Variants in WWOX observed in about 807,000 individuals in gnomAD.
The protein encoded by WWOX is WW domain-containing oxidoreductase.
Under a neutral mutation model 46.2 loss-of-function variants are expected in WWOX, and 69 were observed. The ratio of observed to expected loss-of-function variants is 1.49; its 90% confidence interval spans 1.23 to 1.82. The LOEUF (loss-of-function observed/expected upper bound fraction) is 1.82. Among genes scored for constraint, WWOX ranks in the 40% most tolerant of loss-of-function variants. The probability of loss-of-function intolerance (pLI) is 0.00; values close to 1 mark genes in which losing one functional copy is unlikely to be tolerated. For missense variants in WWOX, 919 were observed against 542.6 expected, an observed-to-expected ratio of 1.69 and a Z score of -6.89; for synonymous variants, 359 against 202.6, an observed-to-expected ratio of 1.77 and a Z score of -6.56.
chr16:78,984,669 C>G (rs2046749778), intron 8 of WWOX, among the ~76,000 whole-genome samples: 1 of 152,126 alleles, frequency 6.6e-6, no homozygotes, highest in African/African-American at 2.4e-5. Context: ...ACAAACTGAC[C>G]CTTAGGAACC....
chr16:78,884,359 C>G (rs76162991), intron 8 of WWOX, among the ~76,000 whole-genome samples: 2,469 of 146,590 alleles, frequency 0.017, 67 homozygotes, highest in African/African-American at 0.058. Context: ...AAGACAAGTA[C>G]AAGAGTGTGT....
At chr16:78,486,035 T>C (rs912238862) in intron 8 of WWOX, among the ~76,000 whole-genome samples, 1 of 152,248 alleles carries the variant, frequency 6.6e-6, no homozygotes, top group Non-Finnish European at 1.5e-5. Context: ...GTAGATGTTT[T>C]ATCTGAAAAC....
intron 8 of WWOX, among the ~76,000 whole-genome samples, chr16:78,731,421 C>T (rs2048966211): frequency 6.6e-6 from 1 of 152,130 alleles, no homozygotes; most frequent in African/African-American, 2.4e-5. Flanking sequence ...AATCTTTCTG[C>T]ACTGATCCCT....
chr16:78,147,696 T>TA (rs754297519), intron 4 of WWOX, among the ~76,000 whole-genome samples: 16 of 104,890 alleles, frequency 1.5e-4, no homozygotes, highest in South Asian at 4.0e-4. Context: ...TTTTTTTTTT[T>TA]AAAAAAAAAA....
chr16:78,935,926 T>C (rs547666719), intron 8 of WWOX, among the ~76,000 whole-genome samples: 10 of 151,142 alleles, frequency 6.6e-5, no homozygotes, highest in Admixed American at 5.9e-4. Flanking sequence ...TAAAATAAAA[T>C]AAAATAAGCA....
chr16:79,036,531 C>T (rs1472537359), intron 8 of WWOX, among the ~76,000 whole-genome samples: 1 of 152,174 alleles, frequency 6.6e-6, no homozygotes, highest in Non-Finnish European at 1.5e-5. Context: ...GTGCCAGAGT[C>T]AGGGCTTTCC....
intron 8 of WWOX, among the ~76,000 whole-genome samples, chr16:78,644,364 C>G (rs144939643): frequency 1.1e-3 from 172 of 152,198 alleles, no homozygotes; most frequent in African/African-American, 3.9e-3. Flanking sequence ...TCTATGCAAA[C>G]AAAAATTTTA....
chr16:78,544,523 A>G (rs1327736731), intron 8 of WWOX, among the ~76,000 whole-genome samples: 1 of 152,200 alleles, frequency 6.6e-6, no homozygotes, highest in Non-Finnish European at 1.5e-5. Flanking sequence ...ATTCCCATGC[A>G]GAACTGTGTG....
At chr16:78,682,135 G>A (rs2142236420) in intron 8 of WWOX, among the ~76,000 whole-genome samples, 1 of 152,290 alleles carries the variant, frequency 6.6e-6, no homozygotes, top group East Asian at 1.9e-4. Flanking sequence ...GGCCTTTGGT[G>A]TTACTGTTAT....
intron 8 of WWOX, among the ~76,000 whole-genome samples, chr16:79,143,531 G>A (rs2050129540): frequency 6.6e-6 from 1 of 152,106 alleles, no homozygotes; most frequent in African/African-American, 2.4e-5. Context: ...TTCTGTTGGA[G>A]TTTTATTCTT....
intron 8 of WWOX, among the ~76,000 whole-genome samples, chr16:79,135,751 C>G (rs1194089027): frequency 6.6e-6 from 1 of 152,108 alleles, no homozygotes; most frequent in African/African-American, 2.4e-5. Flanking sequence ...AATAATATAG[C>G]TATCAGTCGT....
At chr16:78,400,160 C>G (rs571473747) in intron 6 of WWOX, among the ~76,000 whole-genome samples, 1 of 152,108 alleles carries the variant, frequency 6.6e-6, no homozygotes, top group African/African-American at 2.4e-5. Flanking sequence ...TGTTATAGTT[C>G]GGTCACTTAC....
intron 8 of WWOX, among the ~76,000 whole-genome samples, chr16:78,638,514 C>T (rs764660042): frequency 2.6e-5 from 4 of 152,152 alleles, no homozygotes; most frequent in African/African-American, 4.8e-5. Context: ...TGTCTGCACT[C>T]CTTTTGTCTG....
At chr16:78,787,481 T>C (rs920160748) in intron 8 of WWOX, among the ~76,000 whole-genome samples, 14 of 152,244 alleles carry the variant, frequency 9.2e-5, no homozygotes, top group African/African-American at 3.1e-4. Flanking sequence ...ATCCATGTTG[T>C]AGAATGTATC....
At chr16:78,406,516 C>G (rs1465638683) in intron 6 of WWOX, among the ~76,000 whole-genome samples, 1 of 149,278 alleles carries the variant, frequency 6.7e-6, no homozygotes, top group East Asian at 2.0e-4. Context: ...CCACACCCAG[C>G]TAATTTTTTG....
intron 8 of WWOX, among the ~76,000 whole-genome samples, chr16:79,176,194 G>A (rs572011932): frequency 2.0e-5 from 3 of 152,286 alleles, no homozygotes; most frequent in East Asian, 3.9e-4. Flanking sequence ...ACCCCCAAAG[G>A]GGGATTTCTA....
At chr16:78,670,313 C>T (rs775593846) in intron 8 of WWOX, among the ~76,000 whole-genome samples, 2 of 152,166 alleles carry the variant, frequency 1.3e-5, no homozygotes, top group African/African-American at 2.4e-5. Context: ...CCGACCCTCC[C>T]GTGATTCTGG....
intron 8 of WWOX, among the ~76,000 whole-genome samples, chr16:78,952,971 A>C (rs1053211453): frequency 6.6e-6 from 1 of 152,150 alleles, no homozygotes; most frequent in Non-Finnish European, 1.5e-5. Context: ...GCAAAACCAC[A>C]CAATGCTCAT....
chr16:78,692,725 T>C (rs1382628553), intron 8 of WWOX, among the ~76,000 whole-genome samples: 3 of 152,234 alleles, frequency 2.0e-5, no homozygotes, highest in African/African-American at 7.2e-5. Flanking sequence ...GAAGACCCTC[T>C]TAATTTCATG....
Sources: allele counts gnomAD v4.1 joint callset (sites outside exome capture counted in the v4.1 genomes callset), GRCh38; gene constraint gnomAD v4.1.1; transcripts MANE v1.5; gene names NCBI Gene and HGNC (gene_info 2026-07-23, HGNC 2026-07-21).